Variants in TCF4 observed in about 807,000 individuals in gnomAD.
TCF4 encodes SL3-3 enhancer factor 2.
Under a neutral mutation model 82.1 loss-of-function variants are expected in TCF4, and 3 were observed. That is an observed-to-expected ratio of 0.04 (90% confidence interval 0.02 to 0.09). TCF4 has a LOEUF of 0.09. Ranked by LOEUF, TCF4 falls within the 10% of genes least tolerant of loss-of-function variation. TCF4 has a pLI of 1.00. For synonymous variants in TCF4, 276 were observed against 309.6 expected, an observed-to-expected ratio of 0.89 and a Z score of 1.14; for missense variants, 518 against 852.7, an observed-to-expected ratio of 0.61 and a Z score of 4.89.
chr18:55,545,399 A>G (rs1169045336), intron 3 of TCF4, among the ~76,000 whole-genome samples: 1 of 152,036 alleles, frequency 6.6e-6, no homozygotes, highest in Non-Finnish European at 1.5e-5. Flanking sequence ...AAGTTATCCC[A>G]TTCACTTGTT....
chr18:55,549,644 A>G (rs1351181798), intron 3 of TCF4, among the ~76,000 whole-genome samples: 2 of 152,212 alleles, frequency 1.3e-5, no homozygotes, highest in African/African-American at 4.8e-5. Context: ...GGGCAACAAC[A>G]GCATGGTGCT....
chr18:55,293,930 ACTTTTTT>A (rs1568769890), intron 8 of TCF4, among the ~76,000 whole-genome samples: 5 of 22,660 alleles, frequency 2.2e-4, no homozygotes, highest in African/African-American at 5.4e-4. Context: ...CTTTCCAAGG[ACTTTTTT>A]TTTTTTTTTT....
At chr18:55,545,438 T>TTTTTG (rs2097197919) in intron 3 of TCF4, among the ~76,000 whole-genome samples, 1 of 152,086 alleles carries the variant, frequency 6.6e-6, no homozygotes, top group African/African-American at 2.4e-5. Context: ...TCTGGGGTTT[T>TTTTTG]TTTTGTTTTG....
chr18:55,479,907 G>A (rs912908274), intron 3 of TCF4, among the ~76,000 whole-genome samples: 6 of 152,114 alleles, frequency 3.9e-5, no homozygotes, highest in African/African-American at 1.4e-4. Flanking sequence ...GTTAGAGCTG[G>A]CACCAGTCAG....
At chr18:55,561,726 C>A (rs1265670774) in intron 3 of TCF4, among the ~76,000 whole-genome samples, 1 of 152,156 alleles carries the variant, frequency 6.6e-6, no homozygotes, top group Non-Finnish European at 1.5e-5. Context: ...AAGAATAAGA[C>A]ATGCTCACTC....
Position 55,510,520 on chromosome 18 carries a change from T to G in TCF4, c.146-46383A>C, listed in dbSNP as rs1421293723. ...AAACTTCTAAGGATACAGAAGTCGA[T>G]AGATCAAACATTTTAATCAAGAGTA... On this transcript the variant is annotated intron_variant, in intron 3 of 19. Coordinates refer to ENST00000354452, the MANE Select transcript of TCF4 (RefSeq NM_001083962.2). 5 of 1,290,618 alleles carry G rather than the reference T, an allele frequency of 3.9e-6. No homozygotes were observed. The African/African-American group carries it at 6.0e-5, about 16-fold the overall frequency. 79.9% of individuals were successfully genotyped at this position (1,290,618 alleles called of 1,614,324 possible). A position where few individuals can be genotyped will look rare whatever the true frequency, so the allele number is the denominator to read the frequency against.
chr18:55,350,327 C>T (rs371356099), intron 8 of TCF4, 32 bp downstream of exon 8: 10 of 1,606,798 alleles, frequency 6.2e-6, no homozygotes, highest in Non-Finnish European at 8.5e-6. Context: ...ACAAAATAAG[C>T]AATATACAAA....
In TCF4 at chr18:55,422,419, GT is replaced by G. The variant is rs1385594570; in HGVS notation, c.305-18902del. 48 of 983,086 alleles carry G rather than the reference GT, an allele frequency of 4.9e-5. No individual in the cohort carries two copies. The South Asian group carries it at 1.2e-3, about 24-fold the overall frequency. The allele number at this position is 983,086 out of a possible 1,614,324, so 60.9% of individuals were successfully genotyped here. On this transcript the variant is annotated intron_variant, in intron 5 of 19. Transcript: ENST00000354452. ...AGGGAAAAGGTGGAGGGTTTGGGGG[GT>G]TTTTTTTAATATTAAAAAAAAAGTT...
At chr18:55,442,391 A>G (rs1457742705) in intron 5 of TCF4, among the ~76,000 whole-genome samples, 1 of 152,220 alleles carries the variant, frequency 6.6e-6, no homozygotes, top group Non-Finnish European at 1.5e-5. Context: ...TGATCAGAAA[A>G]AGAATGAAAA....
intron 8 of TCF4, among the ~76,000 whole-genome samples, chr18:55,344,265 TTCAA>T (rs2080669648): frequency 6.6e-6 from 1 of 152,236 alleles, no homozygotes; most frequent in South Asian, 2.1e-4. Context: ...ATAAAACTAT[TTCAA>T]TCAATTAAAT....
chr18:55,292,696 A>G (rs367822345), intron 8 of TCF4, among the ~76,000 whole-genome samples: 1 of 151,074 alleles, frequency 6.6e-6, no homozygotes, highest in Non-Finnish European at 1.5e-5. Context: ...ATAGACATGA[A>G]TGTGTGTGTG....
intron 2 of TCF4, among the ~76,000 whole-genome samples, chr18:55,629,153 C>A (rs894464187): frequency 6.6e-6 from 1 of 152,060 alleles, no homozygotes. Flanking sequence ...GTGAAAAAAA[C>A]TTTCATGATT....
At chr18:55,509,352 C>A (rs570672949) in intron 3 of TCF4, among the ~76,000 whole-genome samples, 288 of 152,200 alleles carry the variant, frequency 1.9e-3, no homozygotes, top group African/African-American at 6.6e-3. Context: ...CACACACACA[C>A]ACAAACACTC....
At chr18:55,253,602 T>G (rs912940671) in intron 15 of TCF4, among the ~76,000 whole-genome samples, 1 of 152,158 alleles carries the variant, frequency 6.6e-6, no homozygotes, top group African/African-American at 2.4e-5. Context: ...AAATCACAAT[T>G]GTAATATGGA....
At chr18:55,429,972 G>A (rs532209808) in intron 5 of TCF4, among the ~76,000 whole-genome samples, 1 of 152,114 alleles carries the variant, frequency 6.6e-6, no homozygotes, top group East Asian at 1.9e-4. Flanking sequence ...GGACCTCTGT[G>A]ATTGGAATTC....
rs150079851 is a variant in TCF4 at position 55,255,449 on chromosome 18, AC to A, written c.1147-750del. 2.8e-3 allele frequency among the ~76,000 whole-genome samples: 429 copies of A among 152,272 alleles called. 2 individuals carry two copies. The highest frequency in any genetic ancestry group is 9.8e-3 in the African/African-American group (408 of 41,550). ...TATAGCATAGAATTCGCAACTTTAA[AC>A]CATTAAAAACCAACCAACCTTTGTT... On this transcript the variant is annotated intron_variant, in intron 14 of 19. Coordinates refer to ENST00000354452, the MANE Select transcript of TCF4 (RefSeq NM_001083962.2).
At chr18:55,631,280 C>A in intron 2 of TCF4, 1 of 1,192,272 alleles carries the variant, frequency 8.4e-7, no homozygotes, top group Non-Finnish European at 1.2e-6. Flanking sequence ...AACACCTGAC[C>A]TCAGGTGATC....
intron 6 of TCF4, among the ~76,000 whole-genome samples, chr18:55,394,938 C>T (rs1003039922): frequency 1.3e-5 from 2 of 152,202 alleles, no homozygotes; most frequent in African/African-American, 4.8e-5. Flanking sequence ...ACGATATATG[C>T]TTCTTTTCTA....
At chr18:55,433,076 C>T (rs555444967) in intron 5 of TCF4, among the ~76,000 whole-genome samples, 2 of 152,268 alleles carry the variant, frequency 1.3e-5, no homozygotes, top group South Asian at 2.1e-4. Flanking sequence ...CATATCATCT[C>T]GATAACTTAT....
Sources: allele counts gnomAD v4.1 joint callset (sites outside exome capture counted in the v4.1 genomes callset), GRCh38; gene constraint gnomAD v4.1.1; transcripts MANE v1.5; gene names NCBI Gene and HGNC (gene_info 2026-07-23, HGNC 2026-07-21).